ESR1: variants seen among roughly 807,000 people sequenced by gnomAD.
ESR1 encodes estrogen receptor.
Under a neutral mutation model 52.7 loss-of-function variants are expected in ESR1, and 12 were observed. The ratio of observed to expected loss-of-function variants is 0.23; its 90% CI spans 0.15 to 0.37. The LOEUF (loss-of-function observed/expected upper bound fraction) is 0.37, where lower values mean the gene tolerates loss of function less well. ESR1 is among the 10% of genes least tolerant of loss of function. ESR1 has a pLI of 1.00. For synonymous variants in ESR1, 305 were observed against 316.8 expected (o/e 0.96, Z 0.39); for missense variants, 584 against 779.7 (o/e 0.75, Z 2.99).
chr6:152,021,651 C>T (rs780498961), intron 5 of ESR1, among the ~76,000 whole-genome samples: 10 of 152,090 alleles, frequency 6.6e-5, no homozygotes, highest in Admixed American at 3.9e-4. Context: ...TGAGATGTTA[C>T]GGGAATACTG....
intron 1 of ESR1, among the ~76,000 whole-genome samples, chr6:151,820,029 A>G (rs1335876106): frequency 6.6e-6 from 1 of 152,208 alleles, no homozygotes; most frequent in Non-Finnish European, 1.5e-5. Flanking sequence ...ATAGACAATG[A>G]AAAAACAGTA....
rs185273990 is a variant in ESR1, at chr6:151,851,248, C to T, written c.643+8461C>T. Reference sequence around the variant, plus strand: ...TCCAGATTTACCTGTAAAAATTCTTCGAACCCTAATCAAAAGTGACTGTTG... The same window carrying T: ...TCCAGATTTACCTGTAAAAATTCTTTGAACCCTAATCAAAAGTGACTGTTG... On this transcript the variant is annotated intron_variant, in intron 2 of 7. Transcript: ENST00000206249. 3.3e-5 allele frequency among the ~76,000 whole-genome samples: 5 copies of T among 152,250 alleles called. No individual in the cohort carries two copies. In the East Asian group the frequency reaches 7.7e-4, roughly 24 times the overall value.
At chr6:151,719,010 G>A (rs886225653) in intron 2 of ESR1, among the ~76,000 whole-genome samples, 5 of 152,102 alleles carry the variant, frequency 3.3e-5, no homozygotes, top group South Asian at 4.1e-4. Context: ...TCTTCCCTTC[G>A]TCACGTCCAT....
rs1029565370 is a variant in ESR1, at chr6:152,099,100, G to A, written c.*134G>A. 2.4e-5 allele frequency: 17 copies of A among 722,994 alleles called. No homozygotes were observed. The African/African-American group carries it at 2.4e-4, about 10-fold the overall frequency. 44.8% of individuals were successfully genotyped at this position (722,994 alleles called of 1,614,324 possible). A position where few individuals can be genotyped will look rare whatever the true frequency, so the allele number is the denominator to read the frequency against. ...ACACCAATGGCTTTCTAGATGAGTG[G>A]CCATTCATTTGCTTGCTCAGTTCTT... On this transcript the variant is annotated 3_prime_UTR_variant, in exon 8 of 8. Transcript: ENST00000206249.
At chr6:151,815,111 G>A (rs1779406053) in intron 1 of ESR1, among the ~76,000 whole-genome samples, 1 of 152,202 alleles carries the variant, frequency 6.6e-6, no homozygotes, top group South Asian at 2.1e-4. Flanking sequence ...AGTTTCGAAA[G>A]CAACATTGTC....
intron 4 of ESR1, among the ~76,000 whole-genome samples, chr6:151,953,580 G>T (rs1221107201): frequency 1.3e-5 from 2 of 152,092 alleles, no homozygotes; most frequent in African/African-American, 4.8e-5. Flanking sequence ...AATTAGCTGG[G>T]TGTGGTGGTG....
Position 151,869,129 on chromosome 6 carries a change from C to A in ESR1, c.644-11526C>A, listed in dbSNP as rs535307435. On this transcript the variant is annotated intron_variant, in intron 2 of 7. Coordinates refer to ENST00000206249, the MANE Select transcript of ESR1 (RefSeq NM_000125.4). ...GAGTTTTACCCTCTTGCTCTGATTGCGAGATCATTTTCCTCTTCCTTGCTT... is the reference window on the plus strand; with the variant it reads ...GAGTTTTACCCTCTTGCTCTGATTGAGAGATCATTTTCCTCTTCCTTGCTT... Among the ~76,000 whole-genome samples, 19 of 152,240 alleles carry A rather than the reference C, an allele frequency of 1.2e-4. 1 individual carries two copies. The South Asian group carries it at 2.3e-3, about 18-fold the overall frequency.
intron 2 of ESR1, among the ~76,000 whole-genome samples, chr6:151,879,680 G>T (rs1792462852): frequency 6.6e-6 from 1 of 152,124 alleles, no homozygotes; most frequent in Non-Finnish European, 1.5e-5. Flanking sequence ...CTCCTAACCT[G>T]CATTCTCACA....
At chr6:151,851,308 C>T (rs750048509) in intron 2 of ESR1, among the ~76,000 whole-genome samples, 11 of 152,130 alleles carry the variant, frequency 7.2e-5, no homozygotes, top group Non-Finnish European at 1.6e-4. Context: ...AATTCTCTCT[C>T]TCCTGGGACC....
chr6:151,874,772 A>T (rs1012107326), intron 2 of ESR1, among the ~76,000 whole-genome samples: 1 of 152,208 alleles, frequency 6.6e-6, no homozygotes, highest in Non-Finnish European at 1.5e-5. Context: ...TTTCTAGGAA[A>T]ATAATACCAT....
At chr6:151,771,247 C>T (rs1184359372) in intron 2 of ESR1, among the ~76,000 whole-genome samples, 2 of 152,150 alleles carry the variant, frequency 1.3e-5, no homozygotes, top group Non-Finnish European at 2.9e-5. Flanking sequence ...GAATTGTATC[C>T]ATGCCTATTG....
intron 2 of ESR1, among the ~76,000 whole-genome samples, chr6:151,752,521 T>A (rs1057168364): frequency 6.6e-6 from 1 of 151,704 alleles, no homozygotes; most frequent in Admixed American, 6.6e-5. Flanking sequence ...TCCCTATGTA[T>A]GTTTCCATAA....
At chr6:152,120,802 A>G (rs2051305288) in intron 6 of ESR1, among the ~76,000 whole-genome samples, 3 of 152,164 alleles carry the variant, frequency 2.0e-5, no homozygotes, top group Non-Finnish European at 2.9e-5. Context: ...CCTAGTTGAG[A>G]TGGACTCAGA....
intron 6 of ESR1, among the ~76,000 whole-genome samples, chr6:152,090,920 T>C (rs1305654645): frequency 6.6e-6 from 1 of 152,246 alleles, no homozygotes. Context: ...AGCTCAGATT[T>C]GCTGACAGCA....
intron 3 of ESR1, among the ~76,000 whole-genome samples, chr6:151,901,311 T>C (rs1416355920): frequency 6.6e-6 from 1 of 152,172 alleles, no homozygotes; most frequent in Non-Finnish European, 1.5e-5. Context: ...AGCATCAAGT[T>C]TGTTTGCAGG....
intron 3 of ESR1, among the ~76,000 whole-genome samples, chr6:151,906,976 C>G (rs1005226664): frequency 2.0e-5 from 3 of 151,570 alleles, no homozygotes; most frequent in African/African-American, 7.3e-5. Context: ...CATTGAATAA[C>G]CAAATTGTCC....
chr6:151,695,399 T>A (rs994556859), intron 1 of ESR1, among the ~76,000 whole-genome samples: 2 of 152,136 alleles, frequency 1.3e-5, no homozygotes, highest in African/African-American at 4.8e-5. Flanking sequence ...AAGTTGACAA[T>A]CCTAGAGAGC....
intron 6 of ESR1, among the ~76,000 whole-genome samples, chr6:152,113,321 C>T (rs1414067441): frequency 6.6e-6 from 1 of 152,216 alleles, no homozygotes; most frequent in African/African-American, 2.4e-5. Context: ...CATCAAGCCA[C>T]AGGTACCCTC....
intron 1 of ESR1, among the ~76,000 whole-genome samples, chr6:151,817,503 T>C (rs1028439619): frequency 1.3e-5 from 2 of 152,154 alleles, no homozygotes; most frequent in Non-Finnish European, 2.9e-5. Context: ...CTTGGGCCTC[T>C]TGGATTTCAG....
Sources: allele counts gnomAD v4.1 joint callset (sites outside exome capture counted in the v4.1 genomes callset), GRCh38; gene constraint gnomAD v4.1.1; transcripts MANE v1.5; gene names NCBI Gene and HGNC (gene_info 2026-07-23, HGNC 2026-07-21).